FSTL4: variants seen among roughly 807,000 people sequenced by gnomAD.
FSTL4 encodes the protein follistatin like 4, also known as follistatin-related protein 4.
FSTL4 carries 28 observed loss-of-function variants against 78.2 expected under a neutral mutation model. That is an observed-to-expected ratio of 0.36 (90% CI 0.27 to 0.49). The LOEUF (loss-of-function observed/expected upper bound fraction) is 0.49. Ranked by LOEUF, FSTL4 falls within the 20% of genes least tolerant of loss-of-function variation. The pLI, the probability that FSTL4 is intolerant of heterozygous loss-of-function variation, is 0.98. For missense variants in FSTL4, 922 were observed against 1,084.9 expected (o/e 0.85, Z 2.11); for synonymous variants, 422 against 440.5 (o/e 0.96, Z 0.53).
At chr5:133,376,653 C>T (rs1755442461) in intron 4 of FSTL4, among the ~76,000 whole-genome samples, 1 of 151,976 alleles carries the variant, frequency 6.6e-6, no homozygotes, top group Non-Finnish European at 1.5e-5. Context: ...TTTTGGGAGG[C>T]CAAGGTGGGT....
chr5:133,240,728 C>T (rs775730906), intron 7 of FSTL4, among the ~76,000 whole-genome samples: 21 of 151,822 alleles, frequency 1.4e-4, no homozygotes, highest in South Asian at 2.1e-4. Flanking sequence ...TTATTCTCAG[C>T]GTGTCATGTG....
At chr5:133,425,935 T>C (rs1435657981) in intron 3 of FSTL4, among the ~76,000 whole-genome samples, 1 of 152,130 alleles carries the variant, frequency 6.6e-6, no homozygotes, top group Non-Finnish European at 1.5e-5. Context: ...GCATTTGAAG[T>C]TAGGGTGAGG....
intron 6 of FSTL4, among the ~76,000 whole-genome samples, chr5:133,283,258 G>A (rs201853844): frequency 6.9e-6 from 1 of 144,642 alleles, no homozygotes; most frequent in Non-Finnish European, 1.5e-5. Flanking sequence ...GTGTGTGTGT[G>A]TGTGTCTGTG....
intron 3 of FSTL4, among the ~76,000 whole-genome samples, chr5:133,500,302 G>A (rs1308009251): frequency 6.6e-6 from 1 of 152,168 alleles, no homozygotes; most frequent in Non-Finnish European, 1.5e-5. Flanking sequence ...GGTTTTGTAT[G>A]CCAACGACCC....
the FSTL4 span, among the ~76,000 whole-genome samples, chr5:133,710,934 G>T: frequency 6.6e-6 from 1 of 152,160 alleles, no homozygotes; most frequent in African/African-American, 2.4e-5. Context: ...AAACTTGCAG[G>T]ATGAATGAAC....
chr5:133,688,404 C>T, the FSTL4 span, among the ~76,000 whole-genome samples: 1 of 152,018 alleles, frequency 6.6e-6, no homozygotes, highest in South Asian at 2.1e-4. Context: ...CAGAACGAGA[C>T]TCCGTCTCAA....
At chr5:133,468,994 A>G (rs188334596) in intron 3 of FSTL4, among the ~76,000 whole-genome samples, 100 of 152,330 alleles carry the variant, frequency 6.6e-4, no homozygotes, top group African/African-American at 2.4e-3. Flanking sequence ...AGTATTTGAA[A>G]GGCAGGTATA....
intron 3 of FSTL4, among the ~76,000 whole-genome samples, chr5:133,566,455 T>C (rs557248717): frequency 3.9e-5 from 6 of 152,320 alleles, no homozygotes; most frequent in Admixed American, 3.3e-4. Context: ...AGCCACATTC[T>C]AGACCAGGAA....
chr5:133,748,634 C>T, the FSTL4 span, among the ~76,000 whole-genome samples: 1 of 152,116 alleles, frequency 6.6e-6, no homozygotes. Flanking sequence ...GATTTGCAAC[C>T]CCTCCCCACA....
At chr5:133,425,714 T>TGAG (rs1756798422) in intron 3 of FSTL4, among the ~76,000 whole-genome samples, 2 of 152,246 alleles carry the variant, frequency 1.3e-5, no homozygotes, top group African/African-American at 2.4e-5. Context: ...CATTGAATAA[T>TGAG]TCTGTGTTCC....
At chr5:133,838,944 T>C in the FSTL4 span, among the ~76,000 whole-genome samples, 232 of 152,320 alleles carry the variant, frequency 1.5e-3, 2 homozygotes, top group Middle Eastern at 0.014. Flanking sequence ...TGTGGCCATC[T>C]GGAAAATACA....
the FSTL4 span, among the ~76,000 whole-genome samples, chr5:133,738,616 A>T: frequency 6.6e-6 from 1 of 152,066 alleles, no homozygotes; most frequent in Non-Finnish European, 1.5e-5. Context: ...TCTAGGTAGT[A>T]ACTCAGGCCC....
chr5:133,517,481 A>C (rs865910026), intron 3 of FSTL4, among the ~76,000 whole-genome samples: 14 of 97,436 alleles, frequency 1.4e-4, no homozygotes, highest in African/African-American at 4.9e-4. Flanking sequence ...CACACACACC[A>C]CACACACACA....
At chr5:133,300,092 C>T (rs1197574121) in intron 6 of FSTL4, among the ~76,000 whole-genome samples, 1 of 152,210 alleles carries the variant, frequency 6.6e-6, no homozygotes, top group East Asian at 1.9e-4. Context: ...CCACCATTCA[C>T]AGGACAGGCA....
the FSTL4 span, among the ~76,000 whole-genome samples, chr5:133,666,191 T>A: frequency 6.6e-6 from 1 of 152,218 alleles, no homozygotes; most frequent in African/African-American, 2.4e-5. Flanking sequence ...TATACTACTA[T>A]GGAACTCATG....
At chr5:133,470,979 AAGAC>A (rs1397246086) in intron 3 of FSTL4, among the ~76,000 whole-genome samples, 1 of 152,032 alleles carries the variant, frequency 6.6e-6, no homozygotes, top group African/African-American at 2.4e-5. Flanking sequence ...GATTTTTAGA[AAGAC>A]AGAAACCTGA....
chr5:133,773,231 A>C, the FSTL4 span, among the ~76,000 whole-genome samples: 4 of 151,732 alleles, frequency 2.6e-5, no homozygotes, highest in Non-Finnish European at 5.9e-5. Flanking sequence ...GGAAGATTAA[A>C]GTACTACAAA....
the FSTL4 span, among the ~76,000 whole-genome samples, chr5:133,765,058 A>G: frequency 6.6e-6 from 1 of 152,340 alleles, no homozygotes; most frequent in South Asian, 2.1e-4. Context: ...AAACCTTGCA[A>G]ATAAAACCAC....
Position 133,383,648 on chromosome 5 carries a change from A to T in FSTL4, c.409+17090T>A, listed in dbSNP as rs558891120. Among the ~76,000 whole-genome samples, 4 of 152,304 alleles carry T rather than the reference A, an allele frequency of 2.6e-5. No individual in the cohort carries two copies. The East Asian group carries it at 7.7e-4, about 29-fold the overall frequency. On this transcript the variant is annotated intron_variant, in intron 4 of 15. Coordinates refer to ENST00000265342, the MANE Select transcript of FSTL4 (RefSeq NM_015082.2). Reference sequence around the variant, plus strand: ...GACACCTCAAACATTTGCTCTGTTAATTGGCTGCTGCCTTATTAAGAGGCG... The same window carrying T: ...GACACCTCAAACATTTGCTCTGTTATTTGGCTGCTGCCTTATTAAGAGGCG...
Sources: gnomAD v4.1 joint callset for allele counts (sites outside exome capture counted in the v4.1 genomes callset) on GRCh38, gnomAD v4.1.1 for gene constraint, MANE v1.5 for transcripts, NCBI Gene and HGNC (gene_info 2026-07-23, HGNC 2026-07-21) for gene names.